LCE1F: variants seen among roughly 807,000 people sequenced by gnomAD.
LCE1F encodes the protein late cornified envelope protein 1F.
For missense variants in LCE1F, 154 were observed against 153.5 expected (o/e 1.00, Z -0.02); for synonymous variants, 67 against 59.9 (o/e 1.12, Z -0.55).
chr1:152,776,782 A>C lies in LCE1F; in HGVS notation c.*54A>C. ...TTAGAGGCATGAAAGGGGCAACTTC[A>C]TCTTCCTTGGGACTGACTGTGTTGC... On this transcript the variant is annotated 3_prime_UTR_variant, in exon 2 of 2. Transcript: ENST00000334371. 1 of 1,503,488 alleles carries C rather than the reference A, an allele frequency of 6.7e-7. No individual in the cohort carries two copies. The allele number at this position is 1,503,488 out of a possible 1,614,324, so 93.1% of individuals were successfully genotyped here. A position where few individuals can be genotyped will look rare whatever the true frequency, so the allele number is the denominator to read the frequency against.
rs201066106 is a variant in LCE1F, at chr1:152,776,368, C to T, written c.-4C>T. On this transcript the variant is annotated 5_prime_UTR_variant, in exon 2 of 2. Coordinates refer to ENST00000334371, the MANE Select transcript of LCE1F (RefSeq NM_178354.3). Reference sequence around the variant, plus strand: ...CCTTCAGCTCCTGAACACCCGCCACCGAGATGTCTTGCCAGCAGAGCCAGC... The same window carrying T: ...CCTTCAGCTCCTGAACACCCGCCACTGAGATGTCTTGCCAGCAGAGCCAGC... 3.6e-4 allele frequency: 579 copies of T among 1,613,822 alleles called. 1 individual carries two copies. Among genetic ancestry groups the T allele is most frequent in the Non-Finnish European group, 4.7e-4 (558 of 1,179,870 alleles).
In LCE1F at chr1:152,776,569, C is replaced by A. The variant is rs200906005; in HGVS notation, c.198C>A (p.Gly66=). ...GCTGCTGCAGCTCTGGGGGTGGTGG[C>A]TGCTGCAGCTCTGGGGGAGGCGGCT... ...SGGCCSSGGG[G]CCSSGGGGCC... is the part of the protein sequence containing the mutation. Residue 66 remains glycine, a synonymous_variant, in exon 2 of 2, where the codon GGC becomes GGA. Coordinates refer to ENST00000334371, the MANE Select transcript of LCE1F (RefSeq NM_178354.3). The A allele has an allele frequency of 6.3e-7, 1 of 1,578,800 alleles. No individual in the cohort carries two copies. The highest frequency in any genetic ancestry group is 1.5e-5 in the African/African-American group (1 of 64,878).
rs872181 is a variant in LCE1F, at chr1:152,776,869, G to A, written c.*141G>A. The A allele has an allele frequency of 9.5e-7, 1 of 1,048,176 alleles. No homozygotes were observed. Among genetic ancestry groups the A allele is most frequent in the Non-Finnish European group, 1.3e-6 (1 of 753,256 alleles). The allele number at this position is 1,048,176 out of a possible 1,614,324, so 64.9% of individuals were successfully genotyped here. A position where few individuals can be genotyped will look rare whatever the true frequency, so the allele number is the denominator to read the frequency against. On this transcript the variant is annotated 3_prime_UTR_variant, in exon 2 of 2. Transcript: ENST00000334371. ...GAAGATTCCTCCGACCTAGAATCCAGAAATCTGCCCTCTCACAAGAATTCC... is the reference window on the plus strand; with the variant it reads ...GAAGATTCCTCCGACCTAGAATCCAAAAATCTGCCCTCTCACAAGAATTCC...
At position 152,776,593 on chromosome 1, in the gene LCE1F, C is replaced by A; in HGVS notation, c.222C>A (p.Gly74=). The part of the protein sequence containing the change: ...GGGCCSSGGG[G]CCLSHHRRRR... Reference sequence around the variant, plus strand: ...GCTGCTGCAGCTCTGGGGGAGGCGGCTGTTGCCTGAGCCACCACAGACGGC... The same window carrying A: ...GCTGCTGCAGCTCTGGGGGAGGCGGATGTTGCCTGAGCCACCACAGACGGC... Residue 74 remains glycine (G), a synonymous_variant, in exon 2 of 2, where the codon GGC becomes GGA. Transcript: ENST00000334371. The A allele has an allele frequency of 6.2e-7, 1 of 1,613,246 alleles. No individual in the cohort carries two copies. Among genetic ancestry groups the A allele is most frequent in the Non-Finnish European group, 8.5e-7 (1 of 1,179,758 alleles).
chr1:152,775,146 T>C lies in LCE1F; in HGVS notation c.-67T>C, dbSNP rs1438177125. On this transcript the variant is annotated 5_prime_UTR_variant, in exon 1 of 2. Coordinates refer to ENST00000334371, the MANE Select transcript of LCE1F (RefSeq NM_178354.3). ...CTCAGGGCCAGAGCATCCCATCCACTCACCTCCTGCGGTGCTGAAGAACCC... is the reference window on the plus strand; with the variant it reads ...CTCAGGGCCAGAGCATCCCATCCACCCACCTCCTGCGGTGCTGAAGAACCC... 6.6e-6 allele frequency among the ~76,000 whole-genome samples: 1 copy of C among 152,208 alleles called. No individual in the cohort carries two copies. The highest frequency in any genetic ancestry group is 1.5e-5 in the Non-Finnish European group (1 of 68,032).
intron 1 of LCE1F, 55 bp from the exon 2 acceptor site, chr1:152,776,295 A>T (rs1230479215): frequency 7.0e-7 from 1 of 1,431,568 alleles, no homozygotes; most frequent in African/African-American, 1.4e-5. Flanking sequence ...AAAGGACAAG[A>T]ATAGGCAGGG....
In LCE1F at chr1:152,776,833, ACT is replaced by A; in HGVS notation, c.*108_*109del. 17 of 1,336,980 alleles carry A rather than the reference ACT, an allele frequency of 1.3e-5. No individual in the cohort carries two copies. Among genetic ancestry groups the A allele is most frequent in the Non-Finnish European group, 1.7e-5 (17 of 988,540 alleles). 82.8% of individuals were successfully genotyped at this position (1,336,980 alleles called of 1,614,324 possible). A position where few individuals can be genotyped will look rare whatever the true frequency, so the allele number is the denominator to read the frequency against. ...TGGGACATTTTAGTAAAGATTTCAA[ACT>A]CTGTCCTGGAAGATTCCTCCGACCT... On this transcript the variant is annotated 3_prime_UTR_variant, in exon 2 of 2. Coordinates refer to ENST00000334371, the MANE Select transcript of LCE1F (RefSeq NM_178354.3).
chr1:152,776,558 G>T lies in LCE1F; in HGVS notation c.187G>T (p.Gly63Trp), dbSNP rs778676825. Reference sequence around the variant, plus strand: ...CAGCTCTGGGGGCTGCTGCAGCTCTGGGGGTGGTGGCTGCTGCAGCTCTGG... The same window carrying T: ...CAGCTCTGGGGGCTGCTGCAGCTCTTGGGGTGGTGGCTGCTGCAGCTCTGG... Reference protein sequence around the residue: ...GSSSGGCCSSGGGGCCSSGGG... With the variant: ...GSSSGGCCSSWGGGCCSSGGG... The change falls in exon 2 of 2, where the codon GGG becomes TGG. Residue 63 changes from glycine to tryptophan, a missense_variant. Physicochemically the swap from Gly to Trp is radical, Grantham distance 184. Coordinates refer to ENST00000334371, the MANE Select transcript of LCE1F (RefSeq NM_178354.3). 6.2e-7 allele frequency: 1 copy of T among 1,613,624 alleles called. No individual in the cohort carries two copies. Among genetic ancestry groups the T allele is most frequent in the African/African-American group, 1.3e-5 (1 of 74,914 alleles).
In LCE1F at chr1:152,776,693, G is replaced by T. The variant is rs375039057; in HGVS notation, c.322G>T (p.Gly108Trp). ...QPSAGSSCCG[G>W]GSGQHSGGCC ...CTCAGCGGGCTCCAGCTGCTGCGGA[G>T]GGGGCAGTGGCCAGCACTCTGGAGG... The change falls in exon 2 of 2, where the codon GGG becomes TGG. Residue 108 changes from glycine to tryptophan, a missense_variant. By Grantham distance (184) the Gly-to-Trp change is radical. Transcript: ENST00000334371. The T allele has an allele frequency of 3.2e-6, 5 of 1,585,680 alleles. No individual in the cohort carries two copies. Among genetic ancestry groups the T allele is most frequent in the Middle Eastern group, 1.9e-4 (1 of 5,244 alleles).
Position 152,776,376 on chromosome 1 carries a change from C to G in LCE1F, c.5C>G (p.Ser2Cys), listed in dbSNP as rs1356262626. The change falls in exon 2 of 2, where the codon TCT (serine) becomes TGT (cysteine). Residue 2 changes from serine to cysteine, a missense_variant. Physicochemically the swap from Ser to Cys is moderately radical, Grantham distance 112. Coordinates refer to ENST00000334371, the MANE Select transcript of LCE1F (RefSeq NM_178354.3). ...TCCTGAACACCCGCCACCGAGATGT[C>G]TTGCCAGCAGAGCCAGCAGCAGTGC... is the stretch of plus-strand genomic sequence containing the variant. M[S>C]CQQSQQQCQP... is the part of the protein sequence containing the mutation. The G allele has an allele frequency of 6.2e-7, 1 of 1,613,982 alleles. No individual in the cohort carries two copies. The highest frequency in any genetic ancestry group is 8.5e-7 in the Non-Finnish European group (1 of 1,180,018).
Position 152,776,414 on chromosome 1 carries a change from A to G in LCE1F, c.43A>G (p.Lys15Glu). ...CCAGCAGCAGTGCCAGCCCCCTCCC[A>G]AGTGCACTCCCAAGTGCCCTCCCAA... is the stretch of plus-strand genomic sequence containing the variant. ...QSQQQCQPPP[K>E]CTPKCPPKCP... The change falls in exon 2 of 2, where the codon AAG (lysine) becomes GAG (glutamate). Residue 15 changes from lysine to glutamate, a missense_variant. Coordinates refer to ENST00000334371, the MANE Select transcript of LCE1F (RefSeq NM_178354.3). The G allele has an allele frequency of 5.0e-6, 8 of 1,605,162 alleles. No homozygotes were observed. The highest frequency in any genetic ancestry group is 6.8e-6 in the Non-Finnish European group (8 of 1,177,280).
chr1:152,775,876 G>A (rs1651577300), intron 1 of LCE1F, among the ~76,000 whole-genome samples: 1 of 151,796 alleles, frequency 6.6e-6, no homozygotes, highest in African/African-American at 2.4e-5. Context: ...GGAACAAATT[G>A]ACTCCAACAT....
In LCE1F at chr1:152,776,849, T is replaced by C; in HGVS notation, c.*121T>C. 1.6e-6 allele frequency: 2 copies of C among 1,222,508 alleles called. No individual in the cohort carries two copies. Among genetic ancestry groups the C allele is most frequent in the Non-Finnish European group, 1.1e-6 (1 of 897,210 alleles). The allele number at this position is 1,222,508 out of a possible 1,614,324, so 75.7% of individuals were successfully genotyped here. On this transcript the variant is annotated 3_prime_UTR_variant, in exon 2 of 2. Transcript: ENST00000334371. ...AGATTTCAAACTCTGTCCTGGAAGA[T>C]TCCTCCGACCTAGAATCCAGAAATC... is the stretch of plus-strand genomic sequence containing the variant.
Position 152,776,544 on chromosome 1 carries a change from G to T in LCE1F, c.173G>T (p.Gly58Val), listed in dbSNP as rs752530412. The T allele has an allele frequency of 1.2e-6, 2 of 1,606,770 alleles. No individual in the cohort carries two copies. Among genetic ancestry groups the T allele is most frequent in the African/African-American group, 1.3e-5 (1 of 74,880 alleles). ...SGGCCGSSSG[G>V]CCSSGGGGCC... ...GGCTGCTGTGGCTCCAGCTCTGGGG[G>T]CTGCTGCAGCTCTGGGGGTGGTGGC... The change falls in exon 2 of 2, where the codon GGC (glycine) becomes GTC (valine). Residue 58 changes from glycine to valine, a missense_variant. Transcript: ENST00000334371.
rs1338759187 is a variant in LCE1F, at chr1:152,775,156, C to T, written c.-57C>T. 2.0e-5 allele frequency among the ~76,000 whole-genome samples: 3 copies of T among 152,330 alleles called. No homozygotes were observed. The highest frequency in any genetic ancestry group is 3.9e-4 in the East Asian group (2 of 5,184). On this transcript the variant is annotated 5_prime_UTR_variant, in exon 1 of 2. Transcript: ENST00000334371. ...GAGCATCCCATCCACTCACCTCCTG[C>T]GGTGCTGAAGAACCCTGTGCTGCCT...
rs1404840075 is a variant in LCE1F, at chr1:152,776,799, CTG to C, written c.*75_*76del. The C allele has an allele frequency of 1.0e-5, 15 of 1,462,220 alleles. No homozygotes were observed. Among genetic ancestry groups the C allele is most frequent in the Admixed American group, 2.3e-5 (1 of 43,474 alleles). The allele number at this position is 1,462,220 out of a possible 1,614,324, so 90.6% of individuals were successfully genotyped here. On this transcript the variant is annotated 3_prime_UTR_variant, in exon 2 of 2. Coordinates refer to ENST00000334371, the MANE Select transcript of LCE1F (RefSeq NM_178354.3). ...GCAACTTCATCTTCCTTGGGACTGA[CTG>C]TGTTGCTGGGACATTTTAGTAAAGA...
Position 152,776,903 on chromosome 1 carries a change from C to T in LCE1F, c.*175C>T, listed in dbSNP as rs544455141. Among the ~76,000 whole-genome samples, 7 of 152,320 alleles carry T rather than the reference C, an allele frequency of 4.6e-5. No individual in the cohort carries two copies. The South Asian group carries it at 1.0e-3, about 23-fold the overall frequency. ...CCTCTCACAAGAATTCCTCTTCTGA[C>T]CTCTGATTCCATCTGTGCGCCTGGC... On this transcript the variant is annotated 3_prime_UTR_variant, in exon 2 of 2. Coordinates refer to ENST00000334371, the MANE Select transcript of LCE1F (RefSeq NM_178354.3).
At position 152,776,667 on chromosome 1, in the gene LCE1F, CCTCAGCGGG is replaced by C; in HGVS notation, c.300_308del (p.Ala101_Ser103del). ...CAGAGCTCTGACTGCTGCAGCCAGC[CCTCAGCGGG>C]CTCCAGCTGCTGCGGAGGGGGCAGT... On this transcript the variant is annotated inframe_deletion, in exon 2 of 2. Transcript: ENST00000334371. 1 of 1,602,006 alleles carries C rather than the reference CCTCAGCGGG, an allele frequency of 6.2e-7. No homozygotes were observed. Among genetic ancestry groups the C allele is most frequent in the Non-Finnish European group, 8.5e-7 (1 of 1,173,334 alleles).
At position 152,776,438 on chromosome 1, in the gene LCE1F, A is replaced by G; in HGVS notation, c.67A>G (p.Lys23Glu). ...PPKCTPKCPP[K>E]CPTPKCPPKC... ...CAAGTGCACTCCCAAGTGCCCTCCC[A>G]AGTGCCCCACACCGAAGTGCCCCCC... The change falls in exon 2 of 2, where the codon AAG (lysine) becomes GAG (glutamate). Residue 23 changes from lysine to glutamate, a missense_variant. Lys to Glu is a moderately conservative substitution (Grantham distance 56). Transcript: ENST00000334371. The G allele has an allele frequency of 6.3e-7, 1 of 1,586,124 alleles. No homozygotes were observed. The highest frequency in any genetic ancestry group is 8.5e-7 in the Non-Finnish European group (1 of 1,171,780).
Sources: allele counts gnomAD v4.1 joint callset (sites outside exome capture counted in the v4.1 genomes callset), GRCh38; gene constraint gnomAD v4.1.1; transcripts MANE v1.5; gene names NCBI Gene and HGNC (gene_info 2026-07-23, HGNC 2026-07-21).